Variants in NIPBL observed in about 807,000 individuals in gnomAD.
NIPBL encodes nipped-B-like protein.
A neutral mutation model predicts 321.8 loss-of-function variants in NIPBL; 19 were observed. That is an observed-to-expected ratio of 0.06 (90% CI 0.04 to 0.09). The LOEUF (loss-of-function observed/expected upper bound fraction) is 0.09, where lower values mean the gene tolerates loss of function less well. Ranked by LOEUF, NIPBL falls within the 10% of genes least tolerant of loss-of-function variation. The pLI, the probability that NIPBL is intolerant of heterozygous loss-of-function variation, is 1.00. For missense variants in NIPBL, 2,210 were observed against 3,327.0 expected (o/e 0.66, Z 8.26); for synonymous variants, 1,106 against 1,114.1 (o/e 0.99, Z 0.14).
intron 14 of NIPBL, 66 bp downstream of exon 14, chr5:37,001,144 T>A: frequency 9.5e-7 from 1 of 1,057,928 alleles, no homozygotes; most frequent in Non-Finnish European, 1.5e-6. Context: ...CTAGAGTAAC[T>A]CAGTTACTCT....
In NIPBL at chr5:36,929,324, C is replaced by T. The variant is rs191983020; in HGVS notation, c.-79-24294C>T. On this transcript the variant is annotated intron_variant, in intron 1 of 46. Coordinates refer to ENST00000282516, the MANE Select transcript of NIPBL (RefSeq NM_133433.4). ...TTCTTTGGTGAAGTGATATTGAGCACTTTTTTTTGTATATTTATAAGCCAT... is the reference window on the plus strand; with the variant it reads ...TTCTTTGGTGAAGTGATATTGAGCATTTTTTTTTGTATATTTATAAGCCAT... 7.5e-4 allele frequency among the ~76,000 whole-genome samples: 114 copies of T among 151,862 alleles called. 3 individuals carry two copies. The highest frequency in any genetic ancestry group is 7.3e-3 in the Admixed American group (111 of 15,246).
At chr5:36,984,400 C>T (rs1286894286) in intron 9 of NIPBL, among the ~76,000 whole-genome samples, 1 of 152,006 alleles carries the variant, frequency 6.6e-6, no homozygotes, top group Non-Finnish European at 1.5e-5. Flanking sequence ...AAGTTCTATT[C>T]ATTTTATATT....
intron 6 of NIPBL, among the ~76,000 whole-genome samples, chr5:36,964,650 T>C (rs1016903453): frequency 1.3e-5 from 2 of 152,026 alleles, no homozygotes; most frequent in Non-Finnish European, 2.9e-5. Flanking sequence ...TTTCAAAATA[T>C]AGGCAACCAA....
intron 19 of NIPBL, 74 bp downstream of exon 19, chr5:37,008,162 CA>C: frequency 9.9e-7 from 1 of 1,007,118 alleles, no homozygotes; most frequent in Non-Finnish European, 1.6e-6. Context: ...TCCAAATTTC[CA>C]AAAAATAATG....
chr5:37,044,209 A>G, intron 34 of NIPBL, 138 bp from the exon 35 acceptor site: 1 of 749,978 alleles, frequency 1.3e-6, no homozygotes, highest in Non-Finnish European at 2.1e-6. Context: ...ACCTTGAAAA[A>G]AAAACTCTAA....
At chr5:36,909,567 G>C (rs1747889959) in intron 1 of NIPBL, among the ~76,000 whole-genome samples, 1 of 151,968 alleles carries the variant, frequency 6.6e-6, no homozygotes, top group Admixed American at 6.6e-5. Context: ...TTGCCAGGAT[G>C]TTCATTTGCA....
At chr5:36,998,097 C>A (rs1334163540) in intron 11 of NIPBL, among the ~76,000 whole-genome samples, 1 of 152,014 alleles carries the variant, frequency 6.6e-6, no homozygotes, top group African/African-American at 2.4e-5. Context: ...TCAAGAGATA[C>A]ATAGGTGAAA....
At chr5:36,960,488 A>G (rs1741493060) in intron 4 of NIPBL, among the ~76,000 whole-genome samples, 1 of 152,228 alleles carries the variant, frequency 6.6e-6, no homozygotes. Flanking sequence ...GTTGAAATTT[A>G]GACTACATAC....
chr5:37,057,742 A>C (rs1754258486), intron 43 of NIPBL, among the ~76,000 whole-genome samples: 1 of 152,186 alleles, frequency 6.6e-6, no homozygotes, highest in Non-Finnish European at 1.5e-5. Flanking sequence ...GACACCATTG[A>C]CTTTCTTATC....
chr5:37,029,034 T>C (rs1464161676), intron 32 of NIPBL, among the ~76,000 whole-genome samples: 3 of 152,240 alleles, frequency 2.0e-5, no homozygotes, highest in Non-Finnish European at 4.4e-5. Context: ...AGAGGCTTAA[T>C]ATGATTAAAG....
At chr5:37,032,714 G>A (rs564554407) in intron 32 of NIPBL, among the ~76,000 whole-genome samples, 13 of 152,188 alleles carry the variant, frequency 8.5e-5, no homozygotes, top group Admixed American at 2.0e-4. Flanking sequence ...GTTTTAGGCT[G>A]CAGTGAACTA....
intron 1 of NIPBL, among the ~76,000 whole-genome samples, chr5:36,943,709 A>G (rs1739360331): frequency 1.3e-5 from 2 of 152,108 alleles, no homozygotes; most frequent in Non-Finnish European, 2.9e-5. Context: ...CACTATTTTA[A>G]AATCATGCCA....
At chr5:36,952,162 T>C (rs145438256) in intron 1 of NIPBL, among the ~76,000 whole-genome samples, 1 of 151,756 alleles carries the variant, frequency 6.6e-6, no homozygotes, top group East Asian at 1.9e-4. Context: ...ATTCTTAGTT[T>C]TAACTACCCG....
chr5:36,931,198 T>G (rs781137588), intron 1 of NIPBL, among the ~76,000 whole-genome samples: 8 of 152,194 alleles, frequency 5.3e-5, no homozygotes, highest in Non-Finnish European at 1.0e-4. Flanking sequence ...TAGGGATCTA[T>G]TCAGAGTTTC....
At chr5:37,007,159 A>G (rs988773371) in intron 17 of NIPBL, among the ~76,000 whole-genome samples, 164 bp from the exon 18 acceptor site, 3 of 151,998 alleles carry the variant, frequency 2.0e-5, no homozygotes, top group African/African-American at 7.2e-5. Context: ...CTAATAGAAT[A>G]TCTCTAGAGA....
intron 4 of NIPBL, among the ~76,000 whole-genome samples, chr5:36,960,896 G>A (rs1000134553): frequency 4.6e-5 from 7 of 152,016 alleles, no homozygotes; most frequent in Admixed American, 2.0e-4. Context: ...AAAATATTCC[G>A]TTAATCCCTA....
chr5:36,964,772 A>G (rs1742021152), intron 6 of NIPBL, among the ~76,000 whole-genome samples: 1 of 152,138 alleles, frequency 6.6e-6, no homozygotes, highest in Admixed American at 6.6e-5. Flanking sequence ...ATATTTGCAA[A>G]CTATCTGTTT....
chr5:37,027,009 C>T (rs759957306), intron 31 of NIPBL, among the ~76,000 whole-genome samples: 64 of 151,822 alleles, frequency 4.2e-4, no homozygotes, highest in Non-Finnish European at 7.5e-4. Context: ...CATCTAGAAG[C>T]GTAATAAGAA....
chr5:37,035,188 C>T (rs1248342873), intron 32 of NIPBL, among the ~76,000 whole-genome samples: 1 of 152,202 alleles, frequency 6.6e-6, no homozygotes, highest in East Asian at 1.9e-4. Flanking sequence ...GTGTGGGAGG[C>T]TGAGCCTGGG....
Sources: allele counts gnomAD v4.1 joint callset (sites outside exome capture counted in the v4.1 genomes callset), GRCh38; gene constraint gnomAD v4.1.1; transcripts MANE v1.5; gene names NCBI Gene and HGNC (gene_info 2026-07-23, HGNC 2026-07-21).